The following ZFHX4 variants were observed in gnomAD, a reference collection of about 807,000 sequenced individuals.
The protein encoded by ZFHX4 is zinc finger homeobox 4, also known as zinc finger homeobox protein 4.
In ZFHX4, 56 loss-of-function variants were observed where a neutral mutation model predicts 267.6. The ratio of observed to expected loss-of-function variants is 0.21; its 90% confidence interval spans 0.17 to 0.26. The LOEUF (loss-of-function observed/expected upper bound fraction) is 0.26. Ranked by LOEUF, ZFHX4 falls within the 10% of genes least tolerant of loss-of-function variation. The probability of loss-of-function intolerance (pLI) is 1.00; values close to 1 mark genes in which losing one functional copy is unlikely to be tolerated. For missense variants in ZFHX4, 4,332 were observed against 4,420.0 expected (o/e 0.98, Z 0.56); for synonymous variants, 1,778 against 1,665.6 (o/e 1.07, Z -1.64).
In ZFHX4 at chr8:76,852,361, A is replaced by AAAC. The variant is rs771793415; in HGVS notation, c.5445_5447dup (p.Gln1818dup). 3.2e-6 allele frequency: 5 copies of AAAC among 1,553,340 alleles called. No individual in the cohort carries two copies. The highest frequency in any genetic ancestry group is 4.4e-6 in the Non-Finnish European group (5 of 1,147,886). The stretch of plus-strand genomic sequence containing the variant: ...CACACAGCCCCAGCTGCAGCCTCAA[A>AAAC]AACAACAGCAGCAGCCACCACCTCC... On this transcript the variant is annotated inframe_insertion, in exon 10 of 11. Transcript: ENST00000651372.
chr8:76,730,564 T>G (rs1808981895), intron 3 of ZFHX4, among the ~76,000 whole-genome samples: 1 of 151,964 alleles, frequency 6.6e-6, no homozygotes. Flanking sequence ...CCGGGCATGG[T>G]GATGGGCACC....
chr8:76,685,840 C>T (rs1807678984), intron 1 of ZFHX4, among the ~76,000 whole-genome samples: 1 of 152,186 alleles, frequency 6.6e-6, no homozygotes, highest in African/African-American at 2.4e-5. Context: ...TTATAGCTAT[C>T]ATTGCATTTT....
chr8:76,719,150 A>G (rs866578193), intron 3 of ZFHX4, among the ~76,000 whole-genome samples: 4 of 134,484 alleles, frequency 3.0e-5, no homozygotes, highest in Admixed American at 1.5e-4. Flanking sequence ...GATGAATTGC[A>G]TGTGTGTGTG....
chr8:76,846,392 A>G (rs915677357), intron 6 of ZFHX4, among the ~76,000 whole-genome samples: 1 of 152,038 alleles, frequency 6.6e-6, no homozygotes, highest in African/African-American at 2.4e-5. Context: ...TTCAAACAAA[A>G]TGGTCTTTAG....
intron 4 of ZFHX4, among the ~76,000 whole-genome samples, chr8:76,822,290 G>C (rs1275654351): frequency 6.6e-6 from 1 of 151,880 alleles, no homozygotes; most frequent in African/African-American, 2.4e-5. Context: ...ATATATACCA[G>C]TTTCTCTACT....
intron 4 of ZFHX4, among the ~76,000 whole-genome samples, chr8:76,818,114 G>C (rs1476890419): frequency 6.6e-6 from 1 of 152,192 alleles, no homozygotes; most frequent in Non-Finnish European, 1.5e-5. Flanking sequence ...TTCAAGTTCA[G>C]TAATGTTTAG....
intron 3 of ZFHX4, among the ~76,000 whole-genome samples, chr8:76,728,652 T>C (rs1025125178): frequency 6.6e-6 from 1 of 152,166 alleles, no homozygotes; most frequent in Non-Finnish European, 1.5e-5. Context: ...AATTTAAACA[T>C]TGAAATCTGT....
At chr8:76,743,057 C>T (rs1205579577) in intron 3 of ZFHX4, among the ~76,000 whole-genome samples, 4 of 152,178 alleles carry the variant, frequency 2.6e-5, no homozygotes, top group East Asian at 1.9e-4. Flanking sequence ...CATTTTAAAC[C>T]ATTTACGCCT....
intron 6 of ZFHX4, among the ~76,000 whole-genome samples, chr8:76,846,349 T>A (rs906398888): frequency 7.2e-5 from 11 of 152,096 alleles, no homozygotes; most frequent in Non-Finnish European, 1.6e-4. Context: ...TAATGTTAGA[T>A]GTTCTAGCTT....
chr8:76,780,354 T>C (rs10504640), intron 4 of ZFHX4, among the ~76,000 whole-genome samples: 43,090 of 152,106 alleles, frequency 0.28, 8,401 homozygotes, highest in African/African-American at 0.55. Flanking sequence ...AGTCAGCTTC[T>C]GGTTACTACC....
Position 76,704,110 on chromosome 8 carries a change from C to T in ZFHX4, c.22C>T (p.Pro8Ser), listed in dbSNP as rs778983175. ...TGCCATGGAAACCTGTGACTCCCCT[C>T]CTATCTCAAGGCAGGAAAATGGGCA... Reference protein sequence around the residue: METCDSPPISRQENGQST... With the variant: METCDSPSISRQENGQST... Residue 8 changes from proline (P) to serine (S), a missense_variant, in exon 2 of 11, where the codon CCT becomes TCT. Coordinates refer to ENST00000651372, the MANE Select transcript of ZFHX4 (RefSeq NM_024721.5). 21 of 1,611,620 alleles carry T rather than the reference C, an allele frequency of 1.3e-5. No individual in the cohort carries two copies. Among genetic ancestry groups the T allele is most frequent in the South Asian group, 2.2e-5 (2 of 90,712 alleles).
intron 3 of ZFHX4, among the ~76,000 whole-genome samples, chr8:76,774,725 T>A (rs186591874): frequency 1.5e-3 from 221 of 152,254 alleles, no homozygotes; most frequent in African/African-American, 5.1e-3. Flanking sequence ...TAATTAAATA[T>A]GTATAACACA....
chr8:76,787,904 A>G (rs1810735796), intron 4 of ZFHX4, among the ~76,000 whole-genome samples: 2 of 152,090 alleles, frequency 1.3e-5, no homozygotes, highest in South Asian at 4.1e-4. Context: ...GATGATGTTG[A>G]TGATAGCCGA....
chr8:76,705,742 T>C lies in ZFHX4; in HGVS notation c.1654T>C (p.Tyr552His). The stretch of plus-strand genomic sequence containing the variant: ...GGCCAGTGGCAGTGTTGCTAGTAAC[T>C]ATGGCATCAGTGGCAAGGACTTTGC... ...VRASGSVASN[Y>H]GISGKDFADA... Residue 552 changes from tyrosine (Y) to histidine (H), a missense_variant, in exon 2 of 11, where the codon TAT becomes CAT. Tyr to His is a moderately conservative substitution (Grantham distance 83). Transcript: ENST00000651372. The C allele has an allele frequency of 1.2e-6, 2 of 1,614,032 alleles. No individual in the cohort carries two copies. The highest frequency in any genetic ancestry group is 1.1e-5 in the South Asian group (1 of 91,084).
rs199539077 is a variant in ZFHX4 at position 76,816,253 on chromosome 8, A to T, written c.3326-17085A>T. Among the ~76,000 whole-genome samples, 6 of 152,276 alleles carry T rather than the reference A, an allele frequency of 3.9e-5. 1 individual carries two copies. The highest frequency in any genetic ancestry group is 1.4e-4 in the African/African-American group (6 of 41,558). ...GAGTGGAAAGTTTTAAAAGATGACC[A>T]TTGTCCTTATTTTATCATTTGTCTA... On this transcript the variant is annotated intron_variant, in intron 4 of 10. Transcript: ENST00000651372.
At chr8:76,828,043 C>A (rs1197791827) in intron 4 of ZFHX4, among the ~76,000 whole-genome samples, 2 of 152,166 alleles carry the variant, frequency 1.3e-5, no homozygotes, top group Non-Finnish European at 2.9e-5. Flanking sequence ...GAAGAGCAGT[C>A]TTTGTATCCG....
chr8:76,725,887 C>T (rs139947185), intron 3 of ZFHX4, among the ~76,000 whole-genome samples: 82 of 152,152 alleles, frequency 5.4e-4, no homozygotes, highest in African/African-American at 1.6e-3. Flanking sequence ...AAGGACATTT[C>T]GAAGTCATAA....
intron 4 of ZFHX4, among the ~76,000 whole-genome samples, chr8:76,808,937 A>C (rs1218557448): frequency 6.6e-6 from 1 of 151,394 alleles, no homozygotes; most frequent in Non-Finnish European, 1.5e-5. Context: ...TCTCTCTCAC[A>C]CACACACACA....
At chr8:76,708,116 G>C (rs763300605) in intron 3 of ZFHX4, 68 bp downstream of exon 3, 1 of 1,590,634 alleles carries the variant, frequency 6.3e-7, no homozygotes, top group Non-Finnish European at 8.6e-7. Context: ...AGAGCTTGGA[G>C]CACAAGTCTC....
Sources: allele counts gnomAD v4.1 joint callset (sites outside exome capture counted in the v4.1 genomes callset), GRCh38; gene constraint gnomAD v4.1.1; transcripts MANE v1.5; gene names NCBI Gene and HGNC (gene_info 2026-07-23, HGNC 2026-07-21).